The following MROH1 variants were observed in gnomAD, a reference collection of about 807,000 sequenced individuals.
MROH1 encodes the protein maestro heat-like repeat-containing protein family member 1.
Under a neutral mutation model 116.5 loss-of-function variants are expected in MROH1, and 117 were observed. The ratio of observed to expected loss-of-function variants is 1.00; its 90% CI spans 0.86 to 1.17. MROH1 has a LOEUF of 1.17. Ranked by LOEUF, MROH1 falls within the 50% of genes most tolerant of loss-of-function variation. MROH1 has a pLI of 0.00. For synonymous variants in MROH1, 921 were observed against 583.9 expected (o/e 1.58, Z -8.32); for missense variants, 1,873 against 1,338.5 (o/e 1.40, Z -6.23).
Position 144,192,326 on chromosome 8 carries a change from C to T in MROH1, c.873C>T (p.Leu291=), listed in dbSNP as rs767491261. ...CGGAGCAGAGCCTGGGCCAGATCCT[C>T]GAGGCAGCTGTGAGTGTGGGCAGCC... is the stretch of plus-strand genomic sequence containing the variant. ...FYLSKSLGQI[L]EAAVSVGSRT... Residue 291 remains leucine, a synonymous_variant, in exon 10 of 44, where the codon CTC becomes CTT. Transcript: ENST00000326134. 4.4e-6 allele frequency: 7 copies of T among 1,596,532 alleles called. No homozygotes were observed. The highest frequency in any genetic ancestry group is 4.0e-5 in the African/African-American group (3 of 74,664).
At chr8:144,233,754 G>A (rs1221727452) in intron 14 of MROH1, among the ~76,000 whole-genome samples, 5 of 152,292 alleles carry the variant, frequency 3.3e-5, no homozygotes, top group African/African-American at 7.2e-5. Context: ...ATGGACACTC[G>A]GGGTGCTGCC....
At chr8:144,230,089 T>C (rs553982507) in intron 14 of MROH1, among the ~76,000 whole-genome samples, 1 of 152,250 alleles carries the variant, frequency 6.6e-6, no homozygotes, top group Non-Finnish European at 1.5e-5. Flanking sequence ...GGACAACTTG[T>C]TGCGGTTTCT....
chr8:144,241,258 G>A (rs1257136410), intron 21 of MROH1, 137 bp from the exon 22 acceptor site: 1 of 690,114 alleles, frequency 1.4e-6, no homozygotes. Context: ...CAGAGAGGGT[G>A]TGTGCATGTG....
chr8:144,154,110 G>T (rs1817498645), intron 1 of MROH1, among the ~76,000 whole-genome samples: 1 of 152,062 alleles, frequency 6.6e-6, no homozygotes, highest in Non-Finnish European at 1.5e-5. Context: ...TGTTGCCCAG[G>T]CTGGAGTGCA....
At chr8:144,161,867 G>A (rs553775477) in intron 2 of MROH1, among the ~76,000 whole-genome samples, 59 of 152,166 alleles carry the variant, frequency 3.9e-4, no homozygotes, top group African/African-American at 1.3e-3. Flanking sequence ...CCCAGAGCCC[G>A]GCCACTCAGC....
intron 33 of MROH1, chr8:144,251,004 G>C (rs1037196671): frequency 5.9e-6 from 1 of 169,646 alleles, no homozygotes; most frequent in Non-Finnish European, 1.3e-5. Flanking sequence ...ATGGACAGAG[G>C]CTGGCCCAGG....
intron 14 of MROH1, among the ~76,000 whole-genome samples, chr8:144,226,071 C>T (rs1464269434): frequency 3.3e-5 from 5 of 150,658 alleles, no homozygotes; most frequent in African/African-American, 4.9e-5. Flanking sequence ...TGCACCACCA[C>T]GCCAGGCTAA....
At position 144,167,593 on chromosome 8, in the gene MROH1, C is replaced by T. The variant is rs566765623; in HGVS notation, c.23-702C>T. The stretch of plus-strand genomic sequence containing the variant: ...TTGTTGGGGTGGAGTGGCTGGTTGT[C>T]GGGGTGGAGCGGCCAGTTGGCACAA... On this transcript the variant is annotated intron_variant, in intron 3 of 43. Coordinates refer to ENST00000326134, the MANE Select transcript of MROH1 (RefSeq NM_032450.3). 2.1e-3 allele frequency among the ~76,000 whole-genome samples: 312 copies of T among 150,006 alleles called. 1 individual carries two copies. The highest frequency in any genetic ancestry group is 6.9e-3 in the African/African-American group (280 of 40,716).
intron 29 of MROH1, among the ~76,000 whole-genome samples, chr8:144,246,834 G>A (rs1842000763): frequency 6.6e-6 from 1 of 152,220 alleles, no homozygotes; most frequent in Non-Finnish European, 1.5e-5. Context: ...ATAGGAGCAT[G>A]GGAGGAGCAG....
chr8:144,222,064 T>TG (rs879589850), intron 13 of MROH1, among the ~76,000 whole-genome samples: 60,457 of 151,408 alleles, frequency 0.4, 14,981 homozygotes, highest in East Asian at 0.72. Flanking sequence ...CAACTGCAGA[T>TG]TCAGGGACCA....
chr8:144,188,428 G>C (rs989886076), intron 7 of MROH1, among the ~76,000 whole-genome samples: 2 of 147,978 alleles, frequency 1.4e-5, no homozygotes, highest in Non-Finnish European at 3.0e-5. Flanking sequence ...GCAGCCCTGG[G>C]TCAGGTGCTA....
At chr8:144,186,092 G>C (rs1489845168) in intron 7 of MROH1, among the ~76,000 whole-genome samples, 1 of 151,478 alleles carries the variant, frequency 6.6e-6, no homozygotes, top group Admixed American at 6.6e-5. Flanking sequence ...GTCACCCCGG[G>C]GAAATGAAGC....
Position 144,180,443 on chromosome 8 carries a change from T to G in MROH1, c.482T>G (p.Phe161Cys). The G allele has an allele frequency of 6.2e-7, 1 of 1,613,046 alleles. No individual in the cohort carries two copies. The highest frequency in any genetic ancestry group is 8.5e-7 in the Non-Finnish European group (1 of 1,179,786). The change falls in exon 7 of 44, where the codon TTC becomes TGC. Residue 161 changes from phenylalanine (F) to cysteine (C), a missense_variant. Physicochemically the swap from Phe to Cys is radical, Grantham distance 205. Transcript: ENST00000326134. This position sits in a 1 kb window ranked among gnomAD's most constrained non-coding sequence, Gnocchi z 7.4. ...CTCACAGCGTTCGGCGTAGTCCCCT[T>G]CCTGCCATCCGTCCTGAGCTCCCTG... ...SVANAFGVVP[F>C]LPSVLSSLLP...
chr8:144,235,952 C>T (rs1057386482), intron 14 of MROH1, among the ~76,000 whole-genome samples: 1,557 of 152,294 alleles, frequency 0.01, 22 homozygotes, highest in African/African-American at 0.035. Context: ...CATTGTTCTA[C>T]ACAACCATAG....
chr8:144,227,558 T>A (rs1838037494), intron 14 of MROH1, among the ~76,000 whole-genome samples: 1 of 152,088 alleles, frequency 6.6e-6, no homozygotes, highest in South Asian at 2.1e-4. Flanking sequence ...GGCAGGAAGA[T>A]CACTGGAGCC....
In MROH1 at chr8:144,239,590, GGCTCCCAC is replaced by G; in HGVS notation, c.1633-20_1633-13del. On this transcript the variant is annotated splice_polypyrimidine_tract_variant and intron_variant, in intron 17 of 43. Transcript: ENST00000326134. Reference sequence around the variant, plus strand: ...TGACCAGTGCTCCCTGCTCAGACCCGGCTCCCACGCTGCCTCTTTTCAGGTTGTGTCTT... The same window carrying G: ...TGACCAGTGCTCCCTGCTCAGACCCGGCTGCCTCTTTTCAGGTTGTGTCTT... 2 of 770,876 alleles carry G rather than the reference GGCTCCCAC, an allele frequency of 2.6e-6. No individual in the cohort carries two copies. The highest frequency in any genetic ancestry group is 2.4e-6 in the Non-Finnish European group (1 of 414,164). 47.8% of individuals were successfully genotyped at this position (770,876 alleles called of 1,614,324 possible). A position where few individuals can be genotyped will look rare whatever the true frequency, so the allele number is the denominator to read the frequency against.
intron 10 of MROH1, among the ~76,000 whole-genome samples, chr8:144,196,739 A>T (rs1829987865): frequency 6.6e-6 from 1 of 152,132 alleles, no homozygotes; most frequent in African/African-American, 2.4e-5. Flanking sequence ...TTCCAGATGA[A>T]TACTCATTTG....
At chr8:144,188,304 C>T (rs1477672452) in intron 7 of MROH1, among the ~76,000 whole-genome samples, 1 of 152,174 alleles carries the variant, frequency 6.6e-6, no homozygotes, top group African/African-American at 2.4e-5. Context: ...TGGAAAGGCT[C>T]ACCCATGGCC....
intron 7 of MROH1, among the ~76,000 whole-genome samples, chr8:144,181,367 T>G (rs563902705): frequency 4.2e-4 from 55 of 132,162 alleles, no homozygotes; most frequent in African/African-American, 1.9e-3. Flanking sequence ...TTTCGAAGCA[T>G]GGAGGGAGTG....
Sources: allele counts gnomAD v4.1 joint callset (sites outside exome capture counted in the v4.1 genomes callset), GRCh38; gene constraint gnomAD v4.1.1; non-coding constraint Gnocchi (gnomAD v3.1); transcripts MANE v1.5; gene names NCBI Gene and HGNC (gene_info 2026-07-23, HGNC 2026-07-21).